The following PLCZ1 variants were observed in gnomAD, a reference collection of about 807,000 sequenced individuals.
PLCZ1 encodes 1-phosphatidylinositol 4,5-bisphosphate phosphodiesterase zeta-1.
PLCZ1 carries 64 observed loss-of-function variants against 76.8 expected under a neutral mutation model. The ratio of observed to expected loss-of-function variants is 0.83; its 90% CI spans 0.68 to 1.03. The LOEUF (loss-of-function observed/expected upper bound fraction) is 1.03, where lower values mean the gene tolerates loss of function less well. PLCZ1 is among the 50% of genes least tolerant of loss of function. The probability of loss-of-function intolerance (pLI) is 0.00; values close to 1 mark genes in which losing one functional copy is unlikely to be tolerated. For missense variants in PLCZ1, 751 were observed against 713.7 expected (o/e 1.05, Z -0.60); for synonymous variants, 248 against 230.8 (o/e 1.07, Z -0.68).
At chr12:18,664,015 C>T in the PLCZ1 span, among the ~76,000 whole-genome samples, 20 of 152,202 alleles carry the variant, frequency 1.3e-4, no homozygotes, top group African/African-American at 4.8e-4. Flanking sequence ...CATCACTAAT[C>T]ATTGAAAATG....
At chr12:18,646,447 C>A in the PLCZ1 span, among the ~76,000 whole-genome samples, 1 of 152,204 alleles carries the variant, frequency 6.6e-6, no homozygotes, top group East Asian at 1.9e-4. Flanking sequence ...TTTGATTGAA[C>A]CTATTTACTT....
intron 3 of PLCZ1, among the ~76,000 whole-genome samples, chr12:18,732,508 C>A (rs1360481442): frequency 1.3e-5 from 2 of 152,184 alleles, no homozygotes; most frequent in Non-Finnish European, 2.9e-5. Context: ...TACCCTCTTA[C>A]ACTTTTAAAT....
chr12:18,711,188 G>A (rs1215271597), intron 6 of PLCZ1, among the ~76,000 whole-genome samples: 1 of 151,758 alleles, frequency 6.6e-6, no homozygotes, highest in African/African-American at 2.4e-5. Flanking sequence ...TATACACCAT[G>A]GAATACTATG....
intron 10 of PLCZ1, among the ~76,000 whole-genome samples, chr12:18,698,919 T>C (rs909840669): frequency 6.6e-6 from 1 of 152,164 alleles, no homozygotes; most frequent in Non-Finnish European, 1.5e-5. Context: ...ACTTCCCCCA[T>C]ACCCCTGCTA....
intron 3 of PLCZ1, among the ~76,000 whole-genome samples, chr12:18,725,896 A>G (rs2150735910): frequency 6.6e-6 from 1 of 152,164 alleles, no homozygotes; most frequent in South Asian, 2.1e-4. Context: ...TCTCCTCCCC[A>G]GGTTGCATTA....
At chr12:18,707,978 T>C (rs1956825934) in intron 6 of PLCZ1, among the ~76,000 whole-genome samples, 1 of 152,226 alleles carries the variant, frequency 6.6e-6, no homozygotes, top group Non-Finnish European at 1.5e-5. Context: ...TATCCATCTA[T>C]CCATCATTTC....
At chr12:18,719,252 G>A (rs1011524689) in intron 5 of PLCZ1, among the ~76,000 whole-genome samples, 179 bp downstream of exon 5, 2 of 152,118 alleles carry the variant, frequency 1.3e-5, no homozygotes, top group Non-Finnish European at 2.9e-5. Context: ...AAATTACGTT[G>A]CCACTTCATC....
intron 2 of PLCZ1, chr12:18,736,594 T>C: frequency 1.5e-6 from 2 of 1,298,262 alleles, no homozygotes; most frequent in Middle Eastern, 2.1e-4. Context: ...AATTTGAGAA[T>C]TGAAGTCATT....
chr12:18,717,950 C>T (rs890853087), intron 5 of PLCZ1, among the ~76,000 whole-genome samples: 1 of 152,066 alleles, frequency 6.6e-6, no homozygotes, highest in South Asian at 2.1e-4. Flanking sequence ...CTCCGTCGCA[C>T]GATGTTGAGC....
intron 7 of PLCZ1, among the ~76,000 whole-genome samples, chr12:18,703,215 G>T (rs1956170548): frequency 6.6e-6 from 1 of 152,082 alleles, no homozygotes; most frequent in African/African-American, 2.4e-5. Context: ...CATTGAGTCT[G>T]TGGGCATTCT....
At chr12:18,700,444 G>A (rs1265553092) in intron 9 of PLCZ1, among the ~76,000 whole-genome samples, 1 of 132,216 alleles carries the variant, frequency 7.6e-6, no homozygotes, top group African/African-American at 2.8e-5. Context: ...GCTAAACAGA[G>A]CTTTGCATTC....
At chr12:18,727,805 T>A (rs1251143218) in intron 3 of PLCZ1, among the ~76,000 whole-genome samples, 2 of 152,160 alleles carry the variant, frequency 1.3e-5, no homozygotes, top group East Asian at 3.9e-4. Flanking sequence ...AACAAACCAA[T>A]CTGTAGGGTT....
At chr12:18,714,608 T>C (rs1054557365) in intron 5 of PLCZ1, 4 of 152,158 alleles carry the variant, frequency 2.6e-5, no homozygotes, top group African/African-American at 7.2e-5. Flanking sequence ...TCCCTTGTCA[T>C]ACATAGAGAT....
chr12:18,648,599 G>T, the PLCZ1 span, among the ~76,000 whole-genome samples: 1 of 152,028 alleles, frequency 6.6e-6, no homozygotes, highest in Non-Finnish European at 1.5e-5. Flanking sequence ...CTTCTTTGTA[G>T]TTTTTCACCC....
At chr12:18,674,240 A>G in the PLCZ1 span, among the ~76,000 whole-genome samples, 1 of 152,222 alleles carries the variant, frequency 6.6e-6, no homozygotes, top group African/African-American at 2.4e-5. Flanking sequence ...AAATTCAAAC[A>G]ATAGCTTAAT....
chr12:18,655,699 C>G, the PLCZ1 span, among the ~76,000 whole-genome samples: 3 of 151,704 alleles, frequency 2.0e-5, no homozygotes, highest in Non-Finnish European at 2.9e-5. Context: ...GAAAGTGGCA[C>G]TTTACCTCTG....
At chr12:18,721,945 A>T (rs531885130) in intron 4 of PLCZ1, among the ~76,000 whole-genome samples, 6 of 152,152 alleles carry the variant, frequency 3.9e-5, no homozygotes, top group Admixed American at 3.9e-4. Flanking sequence ...GTGGCCTATA[A>T]GAACCTATAT....
At chr12:18,692,942 C>T in intron 12 of PLCZ1, 1 of 1,507,492 alleles carries the variant, frequency 6.6e-7, no homozygotes. Context: ...TGACACCTCA[C>T]ACTCAGTGCC....
intron 5 of PLCZ1, among the ~76,000 whole-genome samples, chr12:18,718,013 AC>A (rs1958177736): frequency 6.6e-6 from 1 of 152,050 alleles, no homozygotes; most frequent in African/African-American, 2.4e-5. Flanking sequence ...AGGGTAAACA[AC>A]CAAAACTCTA....
Sources: allele counts gnomAD v4.1 joint callset (sites outside exome capture counted in the v4.1 genomes callset), GRCh38; gene constraint gnomAD v4.1.1; transcripts MANE v1.5; gene names NCBI Gene and HGNC (gene_info 2026-07-23, HGNC 2026-07-21).